Variants in RUNX1T1 observed in about 807,000 individuals in gnomAD.
RUNX1T1 encodes the protein protein CBFA2T1.
Under a neutral mutation model 62.8 loss-of-function variants are expected in RUNX1T1, and 4 were observed. The ratio of observed to expected loss-of-function variants is 0.06; its 90% CI spans 0.03 to 0.15. The LOEUF (loss-of-function observed/expected upper bound fraction) is 0.15, where lower values mean the gene tolerates loss of function less well. RUNX1T1 is among the 10% of genes least tolerant of loss of function. The pLI, the probability that RUNX1T1 is intolerant of heterozygous loss-of-function variation, is 1.00. For synonymous variants in RUNX1T1, 291 were observed against 286.0 expected (o/e 1.02, Z -0.18); for missense variants, 508 against 754.3 (o/e 0.67, Z 3.82).
intron 1 of RUNX1T1, among the ~76,000 whole-genome samples, chr8:92,051,630 T>A (rs186547029): frequency 4.2e-5 from 6 of 142,062 alleles, no homozygotes; most frequent in African/African-American, 1.6e-4. Context: ...TCTCACTCTC[T>A]CTCTCTCTCT....
upstream of RUNX1T1, among the ~76,000 whole-genome samples, chr8:92,065,896 A>C (rs759816733): frequency 1.3e-5 from 2 of 152,186 alleles, no homozygotes; most frequent in Non-Finnish European, 2.9e-5. Flanking sequence ...AAAGGAGCTG[A>C]AACCTCATTG....
intron 1 of RUNX1T1, among the ~76,000 whole-genome samples, chr8:92,042,655 T>A (rs1214932504): frequency 6.6e-6 from 1 of 152,174 alleles, no homozygotes; most frequent in African/African-American, 2.4e-5. Context: ...GTAAGGGTGG[T>A]CCTGGCAACT....
chr8:91,963,067 A>G (rs902488077), intron 10 of RUNX1T1, among the ~76,000 whole-genome samples: 4 of 152,172 alleles, frequency 2.6e-5, no homozygotes, highest in African/African-American at 9.7e-5. Flanking sequence ...TTTATTTTTT[A>G]AAGTGTTTTC....
intron 1 of RUNX1T1, among the ~76,000 whole-genome samples, chr8:92,083,185 C>T (rs1252325813): frequency 3.9e-5 from 6 of 152,148 alleles, no homozygotes; most frequent in South Asian, 2.1e-4. Context: ...TTGACCACTT[C>T]GCAGTTTGCC....
intron 1 of RUNX1T1, among the ~76,000 whole-genome samples, chr8:92,029,410 G>C (rs1365247813): frequency 6.6e-6 from 1 of 152,116 alleles, no homozygotes; most frequent in African/African-American, 2.4e-5. Context: ...CTGGAGAAAA[G>C]GGGAAAATTC....
intron 1 of RUNX1T1, among the ~76,000 whole-genome samples, chr8:92,056,996 T>C (rs1327935310): frequency 6.6e-6 from 1 of 152,190 alleles, no homozygotes; most frequent in African/African-American, 2.4e-5. Context: ...TGTTCCTGTA[T>C]CTTAATGTGC....
intron 10 of RUNX1T1, among the ~76,000 whole-genome samples, chr8:91,968,518 ATCTT>A (rs761781800): frequency 5.3e-5 from 8 of 152,148 alleles, no homozygotes; most frequent in Non-Finnish European, 8.8e-5. Context: ...CTTTTTTTCC[ATCTT>A]TCTTTCTTCT....
At chr8:92,081,039 G>A (rs1357281019) in intron 1 of RUNX1T1, among the ~76,000 whole-genome samples, 3 of 152,100 alleles carry the variant, frequency 2.0e-5, no homozygotes, top group South Asian at 2.1e-4. Context: ...GCCTACACAC[G>A]CGGGCCATTT....
chr8:92,098,679 C>T (rs1837898945), intron 1 of RUNX1T1, among the ~76,000 whole-genome samples: 1 of 152,186 alleles, frequency 6.6e-6, no homozygotes, highest in Non-Finnish European at 1.5e-5. Context: ...AACCATCACC[C>T]TCTTTACATA....
intron 8 of RUNX1T1, among the ~76,000 whole-genome samples, chr8:91,984,462 C>T (rs1816119212): frequency 6.6e-6 from 1 of 152,130 alleles, no homozygotes; most frequent in African/African-American, 2.4e-5. Flanking sequence ...CTAGCTATTC[C>T]CTTGCCTTCT....
chr8:92,054,043 G>A (rs1830632103), intron 1 of RUNX1T1, among the ~76,000 whole-genome samples: 1 of 151,944 alleles, frequency 6.6e-6, no homozygotes, highest in Non-Finnish European at 1.5e-5. Context: ...AATCAGTAGG[G>A]GTGGGGTGGG....
chr8:92,021,437 T>A (rs1456072875), intron 1 of RUNX1T1, among the ~76,000 whole-genome samples: 4 of 152,124 alleles, frequency 2.6e-5, no homozygotes, highest in Non-Finnish European at 5.9e-5. Flanking sequence ...CCTTCCCTGA[T>A]GAGCACTGTG....
At chr8:91,956,127 G>C (rs991241683), downstream of RUNX1T1, 1 of 230,078 alleles carries the variant, frequency 4.3e-6, no homozygotes, top group Non-Finnish European at 8.6e-6. Context: ...TCTCTGAGCA[G>C]AGTGATCCAG....
chr8:92,002,270 C>G (rs767858982), intron 5 of RUNX1T1, among the ~76,000 whole-genome samples: 1 of 152,034 alleles, frequency 6.6e-6, no homozygotes, highest in Non-Finnish European at 1.5e-5. Context: ...AACACTTGTT[C>G]AGAGACACTC....
intron 1 of RUNX1T1, among the ~76,000 whole-genome samples, chr8:92,043,324 A>G (rs965802515): frequency 1.3e-5 from 2 of 152,164 alleles, no homozygotes; most frequent in Admixed American, 6.5e-5. Flanking sequence ...AGTTTGTGAA[A>G]TCCCTTACCA....
At chr8:92,086,234 C>T (rs895983577) in intron 1 of RUNX1T1, among the ~76,000 whole-genome samples, 1 of 152,186 alleles carries the variant, frequency 6.6e-6, no homozygotes, top group Non-Finnish European at 1.5e-5. Context: ...TCATCTCTAC[C>T]TTCTCTCCTT....
At chr8:91,971,825 C>T (rs1350866547) in intron 9 of RUNX1T1, among the ~76,000 whole-genome samples, 2 of 152,016 alleles carry the variant, frequency 1.3e-5, no homozygotes, top group Non-Finnish European at 2.9e-5. Flanking sequence ...GGAAAGGGTG[C>T]AAAGATTCAA....
chr8:92,032,210 C>T (rs1276959420), intron 1 of RUNX1T1, among the ~76,000 whole-genome samples: 1 of 143,656 alleles, frequency 7.0e-6, no homozygotes, highest in Non-Finnish European at 1.5e-5. Context: ...AGAAAAAATA[C>T]TAAGTTCAGA....
chr8:92,024,588 C>T (rs1410112288), intron 1 of RUNX1T1, among the ~76,000 whole-genome samples: 1 of 146,938 alleles, frequency 6.8e-6, no homozygotes, highest in Non-Finnish European at 1.5e-5. Context: ...TCAATTGTCT[C>T]TTTATTCTTA....
Sources: gnomAD v4.1 joint callset for allele counts (sites outside exome capture counted in the v4.1 genomes callset) on GRCh38, gnomAD v4.1.1 for gene constraint, MANE v1.5 for transcripts, NCBI Gene and HGNC (gene_info 2026-07-23, HGNC 2026-07-21) for gene names.